The following MCMBP variants were observed in gnomAD, a reference collection of about 807,000 sequenced individuals.
The protein encoded by MCMBP is minichromosome maintenance complex binding protein.
MCMBP carries 31 observed loss-of-function variants against 81.3 expected under a neutral mutation model. The ratio of observed to expected loss-of-function variants is 0.38; its 90% CI spans 0.29 to 0.51. The LOEUF is 0.51. MCMBP is among the 20% of genes least tolerant of loss of function. MCMBP has a pLI of 0.87. For missense variants in MCMBP, 645 were observed against 772.1 expected (o/e 0.84, Z 1.95); for synonymous variants, 267 against 275.9 (o/e 0.97, Z 0.32).
intron 1 of MCMBP, among the ~76,000 whole-genome samples, chr10:119,868,846 G>A (rs1463109485): frequency 3.9e-5 from 6 of 152,150 alleles, no homozygotes. Context: ...GATGCAAAAA[G>A]GCCTAGACAC....
chr10:119,859,690 T>C, intron 2 of MCMBP, 109 bp downstream of exon 2: 2 of 669,412 alleles, frequency 3.0e-6, no homozygotes. Flanking sequence ...GAAGCAGAAG[T>C]ACATTAATTT....
intron 1 of MCMBP, among the ~76,000 whole-genome samples, chr10:119,867,102 G>A (rs952292092): frequency 2.6e-5 from 4 of 151,878 alleles, no homozygotes; most frequent in Non-Finnish European, 5.9e-5. Flanking sequence ...AGACCATCCT[G>A]GCCAACACGG....
intron 1 of MCMBP, among the ~76,000 whole-genome samples, chr10:119,868,538 G>C (rs1589804001): frequency 1.3e-5 from 2 of 152,164 alleles, no homozygotes; most frequent in Admixed American, 6.6e-5. Flanking sequence ...AGTGTCCACT[G>C]AGCACTTTCA....
Position 119,843,237 on chromosome 10 carries a change from G to GT in MCMBP, c.1000+16dup. 1.2e-6 allele frequency: 2 copies of GT among 1,612,974 alleles called. No homozygotes were observed. Among genetic ancestry groups the GT allele is most frequent in the South Asian group, 1.1e-5 (1 of 90,940 alleles). ...CTAACAGTCGATAGTTGACTAGGCT[G>GT]TAACACTTACACTTACAGGTTTTGC... On this transcript the variant is annotated intron_variant, in intron 9 of 15. Transcript: ENST00000369077.
rs534680007 is a variant in MCMBP at position 119,841,569 on chromosome 10, CAA to C, written c.1125-611_1125-610del. ...TTTAATATATATCAACTGCTGAAAA[CAA>C]GACACGCATCTGTGCTTAGAGTGTA... On this transcript the variant is annotated intron_variant, in intron 10 of 15. Coordinates refer to ENST00000369077, the MANE Select transcript of MCMBP (RefSeq NM_001256378.2). Among the ~76,000 whole-genome samples the C allele has an allele frequency of 1.1e-4, 17 of 152,294 alleles. No individual in the cohort carries two copies. The East Asian group carries it at 3.1e-3, about 28-fold the overall frequency.
chr10:119,836,319 G>A (rs1434220300), intron 13 of MCMBP, among the ~76,000 whole-genome samples: 6 of 152,134 alleles, frequency 3.9e-5, no homozygotes, highest in African/African-American at 7.2e-5. Context: ...ATATCCTTGA[G>A]CCATTTCATT....
At position 119,872,627 on chromosome 10, in the gene MCMBP, C is replaced by G. The variant is rs11556854; in HGVS notation, c.-43G>C. On this transcript the variant is annotated 5_prime_UTR_variant, in exon 1 of 16. Coordinates refer to ENST00000369077, the MANE Select transcript of MCMBP (RefSeq NM_001256378.2). Reference sequence around the variant, plus strand: ...CCGGCGAAGACCGGGCGGAGGCGATCCGCGGGCCGAGCGCGGCCGGGCGGC... The same window carrying G: ...CCGGCGAAGACCGGGCGGAGGCGATGCGCGGGCCGAGCGCGGCCGGGCGGC... 128,066 of 1,122,304 alleles carry G rather than the reference C, an allele frequency of 0.11. 7,684 individuals are homozygous for G. Among genetic ancestry groups the G allele is most frequent in the South Asian group, 0.17 (3,882 of 23,048 alleles). 69.5% of individuals were successfully genotyped at this position (1,122,304 alleles called of 1,614,324 possible).
rs189159191 is a variant in MCMBP, at chr10:119,855,995, C to T, written c.429+1343G>A. On this transcript the variant is annotated intron_variant, in intron 5 of 15. Transcript: ENST00000369077. ...ATCCCAGCACTTTGAGAGGCCGAGG[C>T]AGGCAGATCACGAAGTCAAGAGATC... Among the ~76,000 whole-genome samples, 8 of 152,236 alleles carry T rather than the reference C, an allele frequency of 5.3e-5. No homozygotes were observed. In the East Asian group the frequency reaches 1.4e-3, roughly 26 times the overall value.
intron 5 of MCMBP, among the ~76,000 whole-genome samples, chr10:119,856,007 G>A (rs192870513): frequency 1.4e-4 from 21 of 152,202 alleles, no homozygotes; most frequent in Middle Eastern, 6.8e-3. Flanking sequence ...GGCAGATCAC[G>A]AAGTCAAGAG....
At chr10:119,856,230 AAAAC>A (rs923842677) in intron 5 of MCMBP, among the ~76,000 whole-genome samples, 12 of 152,280 alleles carry the variant, frequency 7.9e-5, no homozygotes, top group South Asian at 2.1e-4. Flanking sequence ...CAAGAAAACA[AAAAC>A]AAACAAACAA....
At chr10:119,852,541 T>C (rs1440180368) in intron 6 of MCMBP, among the ~76,000 whole-genome samples, 1 of 152,114 alleles carries the variant, frequency 6.6e-6, no homozygotes, top group Non-Finnish European at 1.5e-5. Flanking sequence ...CTGCATGTGG[T>C]GGCATGCGCC....
intron 8 of MCMBP, 98 bp downstream of exon 8, chr10:119,847,508 GGGAGAAA>G: frequency 1.6e-5 from 9 of 578,604 alleles, no homozygotes; most frequent in Non-Finnish European, 2.6e-5. Context: ...TGGTACATCT[GGGAGAAA>G]GGGAAAAGGG....
intron 4 of MCMBP, 46 bp from the exon 5 acceptor site, chr10:119,857,485 C>A: frequency 1.5e-6 from 2 of 1,338,962 alleles, no homozygotes; most frequent in Non-Finnish European, 2.1e-6. Flanking sequence ...CTTTAAAAAA[C>A]CCAAAATTTA....
Position 119,830,642 on chromosome 10 carries a change from AAAT to A in MCMBP, c.*829_*831del, listed in dbSNP as rs1479778929. On this transcript the variant is annotated 3_prime_UTR_variant, in exon 16 of 16. Transcript: ENST00000369077. ...TTCTCAAATGCACTGGGATAGGAGA[AAAT>A]AAAGACAATGTAGTGTCTTGGTTTC... 6.6e-6 allele frequency: 1 copy of A among 152,552 alleles called. No individual in the cohort carries two copies. Among genetic ancestry groups the A allele is most frequent in the Non-Finnish European group, 1.5e-5 (1 of 68,038 alleles). 9.4% of individuals were successfully genotyped at this position (152,552 alleles called of 1,614,324 possible).
chr10:119,842,231 G>A (rs1053881595), intron 10 of MCMBP, among the ~76,000 whole-genome samples: 1 of 152,114 alleles, frequency 6.6e-6, no homozygotes, highest in African/African-American at 2.4e-5. Flanking sequence ...TAAAAGGTTG[G>A]GGACCACTGC....
Position 119,831,447 on chromosome 10 carries a change from C to A in MCMBP, c.*27G>T. 2 of 1,612,358 alleles carry A rather than the reference C, an allele frequency of 1.2e-6. No homozygotes were observed. Among genetic ancestry groups the A allele is most frequent in the South Asian group, 1.1e-5 (1 of 90,792 alleles). ...TTACAATTATGTGGCTACAGTTTGCCCATTACTCTTCATAGGTATTACATC... is the reference window on the plus strand; with the variant it reads ...TTACAATTATGTGGCTACAGTTTGCACATTACTCTTCATAGGTATTACATC... On this transcript the variant is annotated 3_prime_UTR_variant, in exon 16 of 16. Coordinates refer to ENST00000369077, the MANE Select transcript of MCMBP (RefSeq NM_001256378.2).
Position 119,872,518 on chromosome 10 carries a change from G to C in MCMBP, c.58+9C>G. 8.5e-7 allele frequency: 1 copy of C among 1,176,964 alleles called. No individual in the cohort carries two copies. The highest frequency in any genetic ancestry group is 1.6e-5 in the African/African-American group (1 of 61,600). The allele number at this position is 1,176,964 out of a possible 1,614,324, so 72.9% of individuals were successfully genotyped here. A position where few individuals can be genotyped will look rare whatever the true frequency, so the allele number is the denominator to read the frequency against. The stretch of plus-strand genomic sequence containing the variant: ...CCCGCCCGGCCCGCCCCCCGGCGCC[G>C]CCACTCACCGAAGAATCCCTGCACG... On this transcript the variant is annotated intron_variant, in intron 1 of 15. Coordinates refer to ENST00000369077, the MANE Select transcript of MCMBP (RefSeq NM_001256378.2).
intron 1 of MCMBP, among the ~76,000 whole-genome samples, chr10:119,867,449 G>A (rs768428781): frequency 7.2e-5 from 11 of 151,940 alleles, no homozygotes; most frequent in Admixed American, 4.6e-4. Flanking sequence ...CATGGCTGCC[G>A]GAGCTATTCT....
chr10:119,868,566 T>C (rs1589804036), intron 1 of MCMBP, among the ~76,000 whole-genome samples: 1 of 152,348 alleles, frequency 6.6e-6, no homozygotes, highest in African/African-American at 2.4e-5. Context: ...AGGCAAATTC[T>C]AAGAAATTAG....
Sources: allele counts gnomAD v4.1 joint callset (sites outside exome capture counted in the v4.1 genomes callset), GRCh38; gene constraint gnomAD v4.1.1; transcripts MANE v1.5; gene names NCBI Gene and HGNC (gene_info 2026-07-23, HGNC 2026-07-21).